ATP11C: variants seen among roughly 807,000 people sequenced by gnomAD.
ATP11C encodes the protein ATPase phospholipid transporting 11C (ATP11C blood group), also known as phospholipid-transporting ATPase IG.
ATP11C carries 36 observed loss-of-function variants against 97.4 expected under a neutral mutation model. The ratio of observed to expected loss-of-function variants is 0.37; its 90% confidence interval spans 0.28 to 0.49. The LOEUF is 0.49. Among genes scored for constraint, ATP11C ranks in the 20% least tolerant of loss-of-function variants. ATP11C has a pLI of 0.98. For missense variants in ATP11C, 730 were observed against 824.6 expected (o/e 0.89, Z 1.40); for synonymous variants, 275 against 290.9 (o/e 0.95, Z 0.56).
chrX:139,832,379 T>C lies in ATP11C; in HGVS notation c.28-5556A>G. The C allele has an allele frequency of 3.1e-6, 3 of 956,709 alleles. No homozygotes were observed. In the South Asian group the frequency reaches 1.0e-4, roughly 32 times the overall value. 78.8% of individuals were successfully genotyped at this position (956,709 alleles called of 1,213,427 possible). On this transcript the variant is annotated intron_variant, in intron 1 of 29. Coordinates refer to ENST00000682941, the MANE Select transcript of ATP11C (RefSeq NM_001353812.2). ...CAGCAAAGGAAGCATCAGATGACAG[T>C]CTATTCCTTAAGAGCTCAAAGCAGT...
At chrX:139,921,678 G>A (rs945365116) in intron 1 of ATP11C, among the ~76,000 whole-genome samples, 1 of 111,182 alleles carries the variant, frequency 9.0e-6, no homozygotes, top group East Asian at 2.8e-4. Flanking sequence ...GTGTTGGTAA[G>A]GAATGTGCTC....
At chrX:139,796,507 A>G (rs752890321) in intron 11 of ATP11C, 37 bp from the exon 12 acceptor site, 1 of 918,605 alleles carries the variant, frequency 1.1e-6, no homozygotes, top group Non-Finnish European at 1.6e-6. Context: ...AATTAGACAT[A>G]CAATTTCATC....
intron 2 of ATP11C, 129 bp downstream of exon 2, chrX:139,826,575 G>GTATA: frequency 2.1e-6 from 1 of 465,570 alleles, no homozygotes; most frequent in Non-Finnish European, 3.4e-6. Context: ...ATTATAGCTG[G>GTATA]TATATGATCC....
intron 1 of ATP11C, among the ~76,000 whole-genome samples, chrX:139,891,013 T>C (rs755531106): frequency 3.1e-4 from 34 of 110,115 alleles, no homozygotes; most frequent in Non-Finnish European, 5.9e-4. Flanking sequence ...TGATAGAAAA[T>C]AGCATGTAAT....
chrX:139,785,369 T>C (rs992887090), intron 15 of ATP11C, 70 bp from the exon 16 acceptor site: 38 of 766,277 alleles, frequency 5.0e-5, no homozygotes, highest in Non-Finnish European at 6.6e-5. Context: ...CAGAAATATG[T>C]TAAGATATTT....
chrX:139,787,787 G>C (rs2082606241), intron 14 of ATP11C, among the ~76,000 whole-genome samples: 1 of 112,093 alleles, frequency 8.9e-6, no homozygotes, highest in Non-Finnish European at 1.9e-5. Flanking sequence ...TAACACACTG[G>C]GTGACCTTTG....
intron 1 of ATP11C, among the ~76,000 whole-genome samples, chrX:139,903,605 TA>T (rs1273095029): frequency 1.8e-3 from 183 of 100,407 alleles, no homozygotes; most frequent in African/African-American, 4.1e-3. Context: ...CGGTAAGCAT[TA>T]AAAAAAAAAA....
chrX:139,874,307 A>G (rs2497268), intron 1 of ATP11C, among the ~76,000 whole-genome samples: 19,271 of 98,904 alleles, frequency 0.19, 3,459 homozygotes, highest in African/African-American at 0.55. Context: ...TAATCCACCC[A>G]CCTCGGACTC....
At chrX:139,826,325 A>G in intron 2 of ATP11C, among the ~76,000 whole-genome samples, 1 of 110,117 alleles carries the variant, frequency 9.1e-6, no homozygotes, top group Non-Finnish European at 1.9e-5. Context: ...ATTCTCCAAA[A>G]GAATGCAAAT....
intron 3 of ATP11C, among the ~76,000 whole-genome samples, chrX:139,818,159 C>T (rs1366805564): frequency 8.9e-6 from 1 of 111,822 alleles, no homozygotes; most frequent in Non-Finnish European, 1.9e-5. Context: ...TCTCTGAAGC[C>T]TTATCAAATT....
upstream of ATP11C, among the ~76,000 whole-genome samples, chrX:139,934,747 T>C (rs1298942968): frequency 1.8e-5 from 2 of 110,133 alleles, no homozygotes; most frequent in Non-Finnish European, 3.8e-5. Context: ...GAGACGGGGT[T>C]TCACCATCTT....
chrX:139,750,200 C>G, intron 23 of ATP11C, 48 bp from the exon 24 acceptor site: 1 of 1,119,764 alleles, frequency 8.9e-7, no homozygotes, highest in Middle Eastern at 2.5e-4. Context: ...ATGTAACAAT[C>G]ATCTACAAGA....
intron 22 of ATP11C, among the ~76,000 whole-genome samples, chrX:139,759,186 G>T (rs930630147): frequency 1.8e-4 from 20 of 111,722 alleles, no homozygotes; most frequent in African/African-American, 6.5e-4. Flanking sequence ...ATTGAGAAGG[G>T]AGAGCAGGTA....
At chrX:139,797,706 G>A (rs1036061451) in intron 10 of ATP11C, among the ~76,000 whole-genome samples, 6 of 111,153 alleles carry the variant, frequency 5.4e-5, no homozygotes, top group African/African-American at 9.8e-5. Flanking sequence ...TAGAGGGCAC[G>A]GTAGCAATGT....
chrX:139,859,810 G>T (rs1182733036), intron 1 of ATP11C, among the ~76,000 whole-genome samples: 1 of 101,591 alleles, frequency 9.8e-6, no homozygotes, highest in East Asian at 3.3e-4. Flanking sequence ...CAAATGAAAA[G>T]AAAGTGCTTG....
chrX:139,799,644 C>CTTTT (rs754371113), intron 8 of ATP11C, among the ~76,000 whole-genome samples: 33 of 60,356 alleles, frequency 5.5e-4, no homozygotes, highest in Non-Finnish European at 6.9e-4. Context: ...CTTTATATTC[C>CTTTT]TTTTTTTTTT....
intron 1 of ATP11C, among the ~76,000 whole-genome samples, chrX:139,896,745 G>A (rs1389636536): frequency 9.2e-6 from 1 of 108,645 alleles, no homozygotes; most frequent in Non-Finnish European, 1.9e-5. Flanking sequence ...CTCCTGGGTA[G>A]TCCCAAGCAT....
At chrX:139,829,827 C>T (rs1412687514) in intron 1 of ATP11C, among the ~76,000 whole-genome samples, 1 of 111,372 alleles carries the variant, frequency 9.0e-6, no homozygotes, top group African/African-American at 3.3e-5. Flanking sequence ...ATTTATACCT[C>T]CATAGTATAA....
intron 2 of ATP11C, among the ~76,000 whole-genome samples, chrX:139,820,309 G>A (rs925800543): frequency 1.2e-4 from 13 of 110,829 alleles, no homozygotes; most frequent in Admixed American, 1.9e-4. Context: ...GCTAAGACAC[G>A]AGAATCGCTT....
Sources: allele counts gnomAD v4.1 joint callset (sites outside exome capture counted in the v4.1 genomes callset), GRCh38; gene constraint gnomAD v4.1.1; transcripts MANE v1.5; gene names NCBI Gene and HGNC (gene_info 2026-07-23, HGNC 2026-07-21).